Variants in ADAM22 observed in about 807,000 individuals in gnomAD.
The protein encoded by ADAM22 is ADAM metallopeptidase domain 22.
ADAM22 carries 65 observed loss-of-function variants against 144.6 expected under a neutral mutation model. The observed-to-expected ratio is 0.45, with a 90% CI of 0.37 to 0.55. The LOEUF is 0.55. ADAM22 is among the 20% of genes least tolerant of loss of function. The probability of loss-of-function intolerance (pLI) is 0.00; values close to 1 mark genes in which losing one functional copy is unlikely to be tolerated. For synonymous variants in ADAM22, 391 were observed against 412.6 expected (o/e 0.95, Z 0.63); for missense variants, 974 against 1,184.9 (o/e 0.82, Z 2.61).
At chr7:87,941,664 A>G (rs1562803311) in intron 2 of ADAM22, among the ~76,000 whole-genome samples, 1 of 152,198 alleles carries the variant, frequency 6.6e-6, no homozygotes, top group Non-Finnish European at 1.5e-5. Flanking sequence ...TTGTAAAAAA[A>G]AGTAAAATTC....
At chr7:88,025,158 A>C (rs1585090877) in intron 3 of ADAM22, among the ~76,000 whole-genome samples, 2 of 152,362 alleles carry the variant, frequency 1.3e-5, no homozygotes, top group East Asian at 1.9e-4. Flanking sequence ...ACTAGTTTAC[A>C]GTCCCACCAA....
At chr7:88,059,127 T>C (rs776583029) in intron 3 of ADAM22, among the ~76,000 whole-genome samples, 6 of 152,178 alleles carry the variant, frequency 3.9e-5, no homozygotes, top group Non-Finnish European at 7.4e-5. Flanking sequence ...AACCAGGAGA[T>C]TGGAGGTTCA....
Position 88,132,906 on chromosome 7 carries a change from T to C in ADAM22, c.1032T>C (p.Tyr344=), listed in dbSNP as rs779973841. Residue 344 remains tyrosine (Y), a synonymous_variant, in exon 12 of 32, where the codon TAT becomes TAC. Transcript: ENST00000413139. ...AGAGTAGCCGGAGCGGGGCAGCTTA[T>C]ATTGGTGGGATTTGCTCGTTGCTGA... ...QFESSRSGAA[Y]IGGICSLLKG... 1 of 1,614,006 alleles carries C rather than the reference T, an allele frequency of 6.2e-7. No homozygotes were observed. Among genetic ancestry groups the C allele is most frequent in the Non-Finnish European group, 8.5e-7 (1 of 1,179,926 alleles).
chr7:88,184,372 A>T (rs1847815803), intron 29 of ADAM22: 1 of 436,722 alleles, frequency 2.3e-6, no homozygotes, highest in Admixed American at 2.5e-5. Flanking sequence ...GGGGGCTCTG[A>T]CAGCCCCCAG....
chr7:88,009,710 A>T (rs961238504), intron 3 of ADAM22, among the ~76,000 whole-genome samples: 2 of 152,206 alleles, frequency 1.3e-5, no homozygotes, highest in African/African-American at 2.4e-5. Context: ...ACATCTGGTG[A>T]CTGGAAAAAT....
chr7:88,163,045 T>C lies in ADAM22; in HGVS notation c.1941T>C (p.Asp647=). ...GGHVKLEEDV[D]LGYVEDGTPC... is the part of the protein sequence containing the mutation. Reference sequence around the variant, plus strand: ...ATGTTAAGCTTGAAGAAGATGTAGATCTTGGCTATGTGGAAGATGGGACAC... The same window carrying C: ...ATGTTAAGCTTGAAGAAGATGTAGACCTTGGCTATGTGGAAGATGGGACAC... The change falls in exon 23 of 32, where the codon GAT becomes GAC. Residue 647 remains aspartate (D), a synonymous_variant. Coordinates refer to ENST00000413139, the MANE Select transcript of ADAM22 (RefSeq NM_001324418.2). The C allele has an allele frequency of 1.2e-6, 2 of 1,611,502 alleles. No individual in the cohort carries two copies. The highest frequency in any genetic ancestry group is 2.7e-5 in the African/African-American group (2 of 74,834).
intron 8 of ADAM22, among the ~76,000 whole-genome samples, chr7:88,126,969 G>T (rs1242893439): frequency 6.6e-6 from 1 of 151,850 alleles, no homozygotes. Flanking sequence ...TCTCAGAGAG[G>T]TGCTTATAAC....
At chr7:88,134,461 A>G in intron 13 of ADAM22, 42 bp downstream of exon 13, 3 of 1,433,120 alleles carry the variant, frequency 2.1e-6, no homozygotes, top group Non-Finnish European at 2.9e-6. Flanking sequence ...TTTAAAATAG[A>G]CTATTTGTGA....
chr7:88,076,481 A>G (rs1814534243), intron 4 of ADAM22, among the ~76,000 whole-genome samples: 1 of 152,192 alleles, frequency 6.6e-6, no homozygotes, highest in African/African-American at 2.4e-5. Context: ...CTTTGCATTC[A>G]GCTGTGTAAG....
At chr7:88,189,519 C>G (rs1484078456) in intron 30 of ADAM22, among the ~76,000 whole-genome samples, 1 of 152,186 alleles carries the variant, frequency 6.6e-6, no homozygotes, top group Non-Finnish European at 1.5e-5. Flanking sequence ...GGTGGCACAG[C>G]TAGTAAGTGT....
chr7:88,134,259 A>T, intron 12 of ADAM22, 70 bp from the exon 13 acceptor site: 1 of 1,230,708 alleles, frequency 8.1e-7, no homozygotes. Flanking sequence ...ATATTGTGAC[A>T]TTTTTCTCTG....
At chr7:87,955,867 A>G (rs997068801) in intron 2 of ADAM22, among the ~76,000 whole-genome samples, 2 of 152,302 alleles carry the variant, frequency 1.3e-5, no homozygotes, top group African/African-American at 4.8e-5. Context: ...GCTGCCTTGC[A>G]GTTTGATCTC....
Position 88,003,861 on chromosome 7 carries a change from G to C in ADAM22, c.323+25449G>C, listed in dbSNP as rs372959257. Reference sequence around the variant, plus strand: ...GGACTCATATATAGACGAACATATGGAACCAGGGAAATTGCCCTTGCTCTA... The same window carrying C: ...GGACTCATATATAGACGAACATATGCAACCAGGGAAATTGCCCTTGCTCTA... On this transcript the variant is annotated intron_variant, in intron 3 of 31. Transcript: ENST00000413139. Among the ~76,000 whole-genome samples, 5 of 152,288 alleles carry C rather than the reference G, an allele frequency of 3.3e-5. No individual in the cohort carries two copies. The East Asian group carries it at 9.6e-4, about 29-fold the overall frequency.
At chr7:88,046,111 T>A (rs1804631915) in intron 3 of ADAM22, among the ~76,000 whole-genome samples, 1 of 152,122 alleles carries the variant, frequency 6.6e-6, no homozygotes, top group Admixed American at 6.6e-5. Flanking sequence ...CATATCATAG[T>A]TCTATTTTTA....
At chr7:88,186,503 C>T in intron 29 of ADAM22, 112 bp from the exon 30 acceptor site, 1 of 769,746 alleles carries the variant, frequency 1.3e-6, no homozygotes, top group East Asian at 2.4e-5. Context: ...GGTTTATTTG[C>T]CATGGTCACT....
At chr7:87,952,926 G>T (rs908500159) in intron 2 of ADAM22, among the ~76,000 whole-genome samples, 20 of 152,144 alleles carry the variant, frequency 1.3e-4, no homozygotes, top group African/African-American at 4.8e-4. Context: ...TAGTTTATTT[G>T]TGTAGAGGTG....
intron 3 of ADAM22, among the ~76,000 whole-genome samples, chr7:88,052,370 G>A (rs993773159): frequency 9.3e-5 from 14 of 150,840 alleles, no homozygotes; most frequent in Non-Finnish European, 1.3e-4. Context: ...TTAGCCTGGC[G>A]TGGTGGCGGG....
intron 31 of ADAM22, among the ~76,000 whole-genome samples, chr7:88,194,788 C>G (rs916125709): frequency 6.6e-6 from 1 of 152,136 alleles, no homozygotes; most frequent in East Asian, 1.9e-4. Context: ...CAGTTCAGAT[C>G]GTCTTTGCTC....
chr7:88,134,404 A>C lies in ADAM22; in HGVS notation c.1153A>C (p.Arg385=), dbSNP rs1460425805. 2 of 1,609,512 alleles carry C rather than the reference A, an allele frequency of 1.2e-6. No individual in the cohort carries two copies. The highest frequency in any genetic ancestry group is 8.5e-7 in the Non-Finnish European group (1 of 1,177,958). ...TAATATTGGTATTATCTCAGACAAA[A>C]GAAAGTTAGCAAGTGGTAAGTTTTA... is the stretch of plus-strand genomic sequence containing the variant. ...AHNIGIISDK[R]KLASGECKCE... is the part of the protein sequence containing the mutation. The change falls in exon 13 of 32, where the codon AGA becomes CGA. Residue 385 remains arginine, a synonymous_variant. Coordinates refer to ENST00000413139, the MANE Select transcript of ADAM22 (RefSeq NM_001324418.2).
Sources: allele counts gnomAD v4.1 joint callset (sites outside exome capture counted in the v4.1 genomes callset), GRCh38; gene constraint gnomAD v4.1.1; transcripts MANE v1.5; gene names NCBI Gene and HGNC (gene_info 2026-07-23, HGNC 2026-07-21).